The following DEAF1 variants were observed in gnomAD, a reference collection of about 807,000 sequenced individuals.
The protein encoded by DEAF1 is deformed epidermal autoregulatory factor 1 homolog.
A neutral mutation model predicts 58.9 loss-of-function variants in DEAF1; 53 were observed. The ratio of observed to expected loss-of-function variants is 0.90; its 90% CI spans 0.72 to 1.13. The LOEUF is 1.13. Among genes scored for constraint, DEAF1 ranks in the 50% most tolerant of loss-of-function variants. The pLI is 0.00. For missense variants in DEAF1, 685 were observed against 791.4 expected (o/e 0.87, Z 1.61); for synonymous variants, 385 against 340.4 (o/e 1.13, Z -1.44).
At chr11:700,973 A>G (rs1222488963) in intron 1 of DEAF1, 2 of 441,774 alleles carry the variant, frequency 4.5e-6, no homozygotes, top group Non-Finnish European at 7.9e-6. Context: ...GGGTAATGGC[A>G]CTGAGATCAG....
At chr11:660,215 G>A (rs1416250962) in intron 10 of DEAF1, among the ~76,000 whole-genome samples, 2 of 152,244 alleles carry the variant, frequency 1.3e-5, no homozygotes, top group Non-Finnish European at 1.5e-5. Flanking sequence ...TCTGAAAGCT[G>A]AGCCGCACAC....
Position 652,464 on chromosome 11 carries a change from C to T in DEAF1, c.1593+1498G>A, listed in dbSNP as rs558869083. ...ACCAGCCTGGGCAACATGGTGAAAC[C>T]CTGTCTCTACTAAAAACATAAAAAT... is the stretch of plus-strand genomic sequence containing the variant. On this transcript the variant is annotated intron_variant, in intron 11 of 11. Transcript: ENST00000382409. Among the ~76,000 whole-genome samples the T allele has an allele frequency of 2.6e-5, 4 of 152,186 alleles. No homozygotes were observed. In the South Asian group the frequency reaches 8.3e-4, roughly 32 times the overall value.
intron 6 of DEAF1, among the ~76,000 whole-genome samples, chr11:683,934 TC>T (rs1860478816): frequency 6.6e-6 from 1 of 152,184 alleles, no homozygotes; most frequent in Non-Finnish European, 1.5e-5. Context: ...CGACGTCTCC[TC>T]CCGGCTCCTT....
intron 4 of DEAF1, among the ~76,000 whole-genome samples, chr11:687,646 T>C (rs908957139): frequency 7.9e-5 from 12 of 152,296 alleles, no homozygotes; most frequent in South Asian, 2.1e-4. Context: ...TACAGGCGCC[T>C]GCCACCACGC....
At chr11:668,165 C>T (rs1859642352) in intron 10 of DEAF1, among the ~76,000 whole-genome samples, 1 of 152,060 alleles carries the variant, frequency 6.6e-6, no homozygotes, top group Admixed American at 6.6e-5. Context: ...CACTCAAAAA[C>T]GTCCCTCAAA....
At chr11:700,761 TC>T in intron 1 of DEAF1, 1 of 1,461,060 alleles carries the variant, frequency 6.8e-7, no homozygotes, top group Non-Finnish European at 9.6e-7. Flanking sequence ...GCTATCTGTT[TC>T]CACAGCCTTT....
At chr11:693,164 G>A (rs1482383011) in intron 1 of DEAF1, among the ~76,000 whole-genome samples, 2 of 152,116 alleles carry the variant, frequency 1.3e-5, no homozygotes, top group Non-Finnish European at 2.9e-5. Context: ...GAAAACACAC[G>A]TCAGCACATT....
intron 10 of DEAF1, among the ~76,000 whole-genome samples, chr11:656,158 CT>C (rs1554936925): frequency 2.2e-3 from 270 of 124,094 alleles, no homozygotes; most frequent in Middle Eastern, 0.013. Flanking sequence ...AAATGACAAA[CT>C]TTTTTTTTTT....
chr11:671,828 A>AT (rs1859837906), intron 10 of DEAF1, among the ~76,000 whole-genome samples: 1 of 17,090 alleles, frequency 5.9e-5, no homozygotes, highest in African/African-American at 8.6e-5. Flanking sequence ...TTACCTCTTA[A>AT]AAAAAAAAAA....
intron 10 of DEAF1, among the ~76,000 whole-genome samples, chr11:670,744 T>C (rs957832810): frequency 3.4e-5 from 5 of 149,036 alleles, no homozygotes; most frequent in African/African-American, 1.2e-4. Context: ...CTTTATTTTT[T>C]TCCTTTTTAA....
chr11:681,007 G>T lies in DEAF1; in HGVS notation c.953C>A (p.Ser318Tyr). 6.2e-7 allele frequency: 1 copy of T among 1,614,180 alleles called. No homozygotes were observed. Among genetic ancestry groups the T allele is most frequent in the East Asian group, 2.2e-5 (1 of 44,886 alleles). The change falls in exon 7 of 12, where the codon TCC (serine) becomes TAC (tyrosine). Residue 318 changes from serine (S) to tyrosine (Y), a missense_variant. Physicochemically the swap from Ser to Tyr is moderately radical, Grantham distance 144. This residue lies in a region of DEAF1 where 343 missense variants were observed against 379.8 expected (regional missense o/e 0.90). Transcript: ENST00000382409. ...ELPTTPVKKDSPKNITLLPAT... is the reference protein window; with the variant it reads ...ELPTTPVKKDYPKNITLLPAT... ...TGGAAGCAATGTGATGTTCTTGGGG[G>T]AGTCCTTCTTCACGGGAGTTGTGGG...
At position 644,633 on chromosome 11, in the gene DEAF1, T is replaced by C. The variant is rs770483499; in HGVS notation, c.1615A>G (p.Ile539Val). Residue 539 changes from isoleucine (I) to valine (V), a missense_variant, in exon 12 of 12, where the codon ATA becomes GTA. Around this residue, in one of 3 missense-constraint regions of DEAF1, gnomAD observed 343 missense variants for 379.8 expected, o/e 0.90. Coordinates refer to ENST00000382409, the MANE Select transcript of DEAF1 (RefSeq NM_021008.4). This position sits in a 1 kb window ranked among gnomAD's most constrained non-coding sequence, Gnocchi z 4.3. ...QRKDWKDHQH[I>V]CGQSAAVTVQ... ...GTGACAGCTGCTGACTGGCCGCATA[T>C]GTGCTGGTGATCCTTCCAGTCCTGG... The C allele has an allele frequency of 1.2e-6, 2 of 1,611,990 alleles. No individual in the cohort carries two copies. The highest frequency in any genetic ancestry group is 1.7e-6 in the Non-Finnish European group (2 of 1,179,728).
At chr11:703,802 G>A (rs1861606804) in intron 1 of DEAF1, 1 of 1,233,166 alleles carries the variant, frequency 8.1e-7, no homozygotes, top group Non-Finnish European at 1.0e-6. Flanking sequence ...CCCTTCAGGG[G>A]CTTCGGAGGA....
intron 10 of DEAF1, among the ~76,000 whole-genome samples, chr11:668,871 G>A (rs1233904441): frequency 1.3e-5 from 2 of 152,154 alleles, no homozygotes; most frequent in East Asian, 1.9e-4. Flanking sequence ...TGTAGCCCAG[G>A]CTGGACTGCA....
upstream of DEAF1, chr11:695,543 C>T (rs1037003072): frequency 1.7e-6 from 2 of 1,192,684 alleles, no homozygotes; most frequent in Non-Finnish European, 2.1e-6. Flanking sequence ...CGCCCGTTCC[C>T]GCCGCCGGCG....
chr11:666,810 A>G (rs1411686313), intron 10 of DEAF1, among the ~76,000 whole-genome samples: 1 of 140,168 alleles, frequency 7.1e-6, no homozygotes, highest in Non-Finnish European at 1.5e-5. Flanking sequence ...CCTGGGAGGT[A>G]GAGCTTGCAG....
intron 2 of DEAF1, among the ~76,000 whole-genome samples, chr11:690,890 G>A (rs1198685130): frequency 1.3e-5 from 2 of 152,234 alleles, no homozygotes; most frequent in African/African-American, 4.8e-5. Flanking sequence ...ACCCACCCTG[G>A]CATCTGCCAC....
chr11:658,707 C>A (rs1859182040), intron 10 of DEAF1, among the ~76,000 whole-genome samples: 1 of 152,268 alleles, frequency 6.6e-6, no homozygotes, highest in African/African-American at 2.4e-5. Context: ...GAGGAGACTG[C>A]AGCAGAGCAC....
chr11:673,183 GA>G (rs527994704), intron 10 of DEAF1, among the ~76,000 whole-genome samples: 2 of 150,670 alleles, frequency 1.3e-5, no homozygotes, highest in Non-Finnish European at 3.0e-5. Flanking sequence ...AGCAGCAGCT[GA>G]AAAAAAAATA....
Sources: allele counts gnomAD v4.1 joint callset (sites outside exome capture counted in the v4.1 genomes callset), GRCh38; gene constraint gnomAD v4.1.1; regional missense constraint gnomAD v4.1.1; non-coding constraint Gnocchi (gnomAD v3.1); transcripts MANE v1.5; gene names NCBI Gene and HGNC (gene_info 2026-07-23, HGNC 2026-07-21).